PTPRG: variants seen among roughly 807,000 people sequenced by gnomAD.
The protein encoded by PTPRG is protein tyrosine phosphatase receptor type G, also known as receptor-type tyrosine-protein phosphatase gamma.
PTPRG carries 102 observed loss-of-function variants against 165.3 expected under a neutral mutation model. That is an observed-to-expected ratio of 0.62 (90% confidence interval 0.53 to 0.73). The LOEUF is 0.73. Among genes scored for constraint, PTPRG ranks in the 30% least tolerant of loss-of-function variants. The probability of loss-of-function intolerance (pLI) is 0.00; values close to 1 mark genes in which losing one functional copy is unlikely to be tolerated. For missense variants in PTPRG, 1,866 were observed against 1,861.4 expected (o/e 1.00, Z -0.05); for synonymous variants, 675 against 669.5 (o/e 1.01, Z -0.13).
intron 4 of PTPRG, 142 bp downstream of exon 4, chr3:62,003,639 G>A: frequency 2.9e-6 from 3 of 1,033,160 alleles, no homozygotes; most frequent in Non-Finnish European, 4.1e-6. Context: ...TTTATCCATA[G>A]TATGGCAGGT....
At chr3:61,648,579 G>GT (rs1474038547) in intron 1 of PTPRG, among the ~76,000 whole-genome samples, 1 of 152,258 alleles carries the variant, frequency 6.6e-6, no homozygotes, top group Non-Finnish European at 1.5e-5. Flanking sequence ...AATGCAGGGT[G>GT]TTTGAGTGGG....
chr3:61,997,017 C>T (rs1304860098), intron 3 of PTPRG, among the ~76,000 whole-genome samples: 2 of 152,156 alleles, frequency 1.3e-5, no homozygotes, highest in African/African-American at 2.4e-5. Context: ...TAGGGTACAG[C>T]GTTCTCTGCT....
At chr3:62,109,426 C>T (rs940711443) in intron 5 of PTPRG, among the ~76,000 whole-genome samples, 5 of 152,154 alleles carry the variant, frequency 3.3e-5, no homozygotes, top group African/African-American at 7.2e-5. Flanking sequence ...GTACCAGTAC[C>T]GTGCTGTTTT....
intron 2 of PTPRG, among the ~76,000 whole-genome samples, chr3:61,886,517 G>A (rs1035413865): frequency 6.6e-6 from 1 of 152,148 alleles, no homozygotes; most frequent in Non-Finnish European, 1.5e-5. Context: ...GATGTCTGAT[G>A]TTGGATGGTC....
chr3:61,566,509 A>G (rs1304512456), intron 1 of PTPRG, among the ~76,000 whole-genome samples: 1 of 151,786 alleles, frequency 6.6e-6, no homozygotes, highest in African/African-American at 2.4e-5. Context: ...TTTCCTGGAG[A>G]CTTCTTTTCT....
intron 2 of PTPRG, among the ~76,000 whole-genome samples, chr3:61,940,871 A>G (rs563414605): frequency 6.6e-6 from 1 of 152,106 alleles, no homozygotes; most frequent in South Asian, 2.1e-4. Flanking sequence ...TCACCGTGTT[A>G]GCCAGGATGA....
Position 61,562,008 on chromosome 3 carries a change from G to T in PTPRG, c.-280G>T. ...CCGCCGGCCGCCGACTCCGCGCCCT[G>T]CCCGATCGGCTCTCTCCTTTTTAAA... is the stretch of plus-strand genomic sequence containing the variant. On this transcript the variant is annotated 5_prime_UTR_variant, in exon 1 of 30. Coordinates refer to ENST00000474889, the MANE Select transcript of PTPRG (RefSeq NM_002841.4). 1 of 309,968 alleles carries T rather than the reference G, an allele frequency of 3.2e-6. No individual in the cohort carries two copies. Among genetic ancestry groups the T allele is most frequent in the South Asian group, 6.2e-5 (1 of 16,068 alleles). The allele number at this position is 309,968 out of a possible 1,614,324, so 19.2% of individuals were successfully genotyped here.
chr3:62,017,033 C>A (rs2041562662), intron 4 of PTPRG, among the ~76,000 whole-genome samples: 1 of 152,178 alleles, frequency 6.6e-6, no homozygotes, highest in Non-Finnish European at 1.5e-5. Flanking sequence ...CCCCCTCCCT[C>A]ACCCCCGTAT....
At chr3:61,643,044 C>G (rs1702106511) in intron 1 of PTPRG, among the ~76,000 whole-genome samples, 1 of 152,128 alleles carries the variant, frequency 6.6e-6, no homozygotes, top group Admixed American at 6.5e-5. Flanking sequence ...TTAGGGATAC[C>G]ATTGGCCTAT....
chr3:61,921,101 A>G (rs984352814), intron 2 of PTPRG, among the ~76,000 whole-genome samples: 18 of 145,400 alleles, frequency 1.2e-4, no homozygotes, highest in Non-Finnish European at 2.5e-4. Context: ...TCTTCCATCC[A>G]TCTCCTTCCA....
intron 2 of PTPRG, chr3:61,751,121 C>G (rs1054100149): frequency 6.6e-6 from 1 of 152,178 alleles, no homozygotes; most frequent in Non-Finnish European, 1.5e-5. Context: ...TCGACAGTAT[C>G]TATGGTTGGC....
chr3:62,015,202 G>A (rs890297963), intron 4 of PTPRG, among the ~76,000 whole-genome samples: 4 of 152,220 alleles, frequency 2.6e-5, no homozygotes, highest in Non-Finnish European at 5.9e-5. Flanking sequence ...TCTGTGGAGG[G>A]CAGAGTGTCC....
chr3:61,580,626 C>T (rs1304726436), intron 1 of PTPRG, among the ~76,000 whole-genome samples: 1 of 152,058 alleles, frequency 6.6e-6, no homozygotes, highest in Non-Finnish European at 1.5e-5. Flanking sequence ...TGAGCCAATG[C>T]GCCCGGCCAT....
chr3:62,171,167 G>T (rs778788368), intron 8 of PTPRG, among the ~76,000 whole-genome samples: 2 of 152,126 alleles, frequency 1.3e-5, no homozygotes, highest in Non-Finnish European at 2.9e-5. Context: ...ATCCATTTCA[G>T]TATACATGCA....
intron 16 of PTPRG, among the ~76,000 whole-genome samples, chr3:62,260,162 T>C (rs913148227): frequency 6.6e-6 from 1 of 152,226 alleles, no homozygotes; most frequent in African/African-American, 2.4e-5. Flanking sequence ...ATCAGTCATC[T>C]GTAGAACAGT....
At chr3:61,854,136 A>G (rs764509908) in intron 2 of PTPRG, among the ~76,000 whole-genome samples, 6 of 152,238 alleles carry the variant, frequency 3.9e-5, no homozygotes, top group South Asian at 2.1e-4. Context: ...TTGAGAGAAC[A>G]GCAGCCCTGT....
intron 26 of PTPRG, among the ~76,000 whole-genome samples, chr3:62,278,920 A>C: frequency 6.6e-6 from 1 of 152,032 alleles, no homozygotes; most frequent in East Asian, 1.9e-4. Context: ...ATCACCATAA[A>C]GCATCTACCC....
Position 61,712,873 on chromosome 3 carries a change from G to A in PTPRG, c.86-36005G>A, listed in dbSNP as rs542167879. On this transcript the variant is annotated intron_variant, in intron 1 of 29. Coordinates refer to ENST00000474889, the MANE Select transcript of PTPRG (RefSeq NM_002841.4). Reference sequence around the variant, plus strand: ...TATAGCAGCTTCTGCATATGACATTGTAATCAATGGTATGTTGACATTTTT... The same window carrying A: ...TATAGCAGCTTCTGCATATGACATTATAATCAATGGTATGTTGACATTTTT... Among the ~76,000 whole-genome samples, 8 of 152,286 alleles carry A rather than the reference G, an allele frequency of 5.3e-5. No individual in the cohort carries two copies. In the South Asian group the frequency reaches 1.7e-3, roughly 32 times the overall value.
intron 4 of PTPRG, among the ~76,000 whole-genome samples, chr3:62,005,189 C>T (rs1000298777): frequency 1.3e-5 from 2 of 152,172 alleles, no homozygotes; most frequent in African/African-American, 4.8e-5. Context: ...CATTAGGACT[C>T]CTCTATCTGT....
Sources: allele counts gnomAD v4.1 joint callset (sites outside exome capture counted in the v4.1 genomes callset), GRCh38; gene constraint gnomAD v4.1.1; transcripts MANE v1.5; gene names NCBI Gene and HGNC (gene_info 2026-07-23, HGNC 2026-07-21).